KYNU: variants seen among roughly 807,000 people sequenced by gnomAD.
The protein encoded by KYNU is L-kynurenine hydrolase.
KYNU carries 54 observed loss-of-function variants against 59.2 expected under a neutral mutation model. The ratio of observed to expected loss-of-function variants is 0.91; its 90% confidence interval spans 0.73 to 1.14. The LOEUF (loss-of-function observed/expected upper bound fraction) is 1.14, where lower values mean the gene tolerates loss of function less well. Among genes scored for constraint, KYNU ranks in the 50% most tolerant of loss-of-function variants. KYNU has a pLI of 0.00. For missense variants in KYNU, 567 were observed against 554.4 expected (o/e 1.02, Z -0.23); for synonymous variants, 177 against 192.0 (o/e 0.92, Z 0.65).
intron 8 of KYNU, 32 bp from the exon 9 acceptor site, chr2:142,985,052 A>G: frequency 4.9e-6 from 6 of 1,224,928 alleles, no homozygotes; most frequent in Non-Finnish European, 6.1e-6. Flanking sequence ...TCATGAAGCA[A>G]ACTTAAAGCT....
intron 4 of KYNU, among the ~76,000 whole-genome samples, chr2:142,936,016 G>A (rs551398662): frequency 3.9e-4 from 60 of 152,314 alleles, no homozygotes; most frequent in African/African-American, 9.9e-4. Context: ...AGAAGACAAC[G>A]AACGGGTTAA....
At chr2:142,929,187 A>C (rs1442284423) in intron 4 of KYNU, among the ~76,000 whole-genome samples, 1 of 151,760 alleles carries the variant, frequency 6.6e-6, no homozygotes, top group South Asian at 2.1e-4. Flanking sequence ...TTTAGGACTG[A>C]ACACATGCAT....
In KYNU at chr2:143,029,678, C is replaced by T; in HGVS notation, c.954C>T (p.Asn318=). Residue 318 remains asparagine (N), a splice_region_variant and synonymous_variant, in exon 11 of 14, where the codon AAC becomes AAT. Transcript: ENST00000264170. The part of the protein sequence containing the change: ...HELSTRFKMD[N]KLQLIPGVCG... ...TCAGCACCAGATTTAAGATGGATAA[C>T]AGTAAGTGTATTTATTTTACCTAAT... 1 of 1,519,574 alleles carries T rather than the reference C, an allele frequency of 6.6e-7. No individual in the cohort carries two copies. Among genetic ancestry groups the T allele is most frequent in the Non-Finnish European group, 9.1e-7 (1 of 1,093,728 alleles). The allele number at this position is 1,519,574 out of a possible 1,614,324, so 94.1% of individuals were successfully genotyped here.
chr2:143,005,554 G>A (rs191523924), intron 10 of KYNU, among the ~76,000 whole-genome samples: 6 of 152,086 alleles, frequency 3.9e-5, no homozygotes, highest in East Asian at 3.9e-4. Context: ...TAAATTTCCC[G>A]GGAAAGCAGA....
chr2:142,922,440 G>A (rs1682914560), intron 3 of KYNU, among the ~76,000 whole-genome samples: 1 of 152,050 alleles, frequency 6.6e-6, no homozygotes, highest in Admixed American at 6.6e-5. Context: ...GGAATGTGGG[G>A]GTTTGCAGTG....
intron 10 of KYNU, among the ~76,000 whole-genome samples, chr2:143,010,527 C>T (rs1215595719): frequency 7.8e-6 from 1 of 127,680 alleles, no homozygotes; most frequent in Non-Finnish European, 1.6e-5. Flanking sequence ...CATCAAGCTA[C>T]TAATGACTTT....
chr2:143,041,027 T>C (rs904526441), intron 13 of KYNU, among the ~76,000 whole-genome samples: 32 of 152,090 alleles, frequency 2.1e-4, no homozygotes, highest in African/African-American at 7.5e-4. Flanking sequence ...ATCATACCAA[T>C]TTATTGAAGG....
intron 1 of KYNU, chr2:142,881,204 TATG>T (rs1681285500): frequency 6.6e-6 from 1 of 152,198 alleles, no homozygotes; most frequent in Non-Finnish European, 1.5e-5. Flanking sequence ...AAATAATACT[TATG>T]GTCAGATATT....
chr2:142,937,687 C>A (rs1683437444), intron 4 of KYNU, among the ~76,000 whole-genome samples: 1 of 152,200 alleles, frequency 6.6e-6, no homozygotes, highest in Admixed American at 6.5e-5. Context: ...TGATTGGGTA[C>A]AGCCCAGCAT....
At chr2:143,013,272 CTCTCTCTGTT>C (rs1686162437) in intron 10 of KYNU, among the ~76,000 whole-genome samples, 1 of 150,470 alleles carries the variant, frequency 6.6e-6, no homozygotes, top group Admixed American at 6.6e-5. Context: ...CTCTCCCTGT[CTCTCTCTGTT>C]TCTCTGTCTC....
chr2:143,048,846 C>G lies in KYNU; in HGVS notation c.*6674C>G, dbSNP rs1687213745. On this transcript the variant is annotated 3_prime_UTR_variant, in exon 14 of 14. Transcript: ENST00000264170. The stretch of plus-strand genomic sequence containing the variant: ...TGGCAATCATTAAAAAGTCAGGAAA[C>G]AATAGATGCTGGTGAGGCTGTGGAG... 1 of 152,108 alleles carries G rather than the reference C, an allele frequency of 6.6e-6. No homozygotes were observed. Among genetic ancestry groups the G allele is most frequent in the Non-Finnish European group, 1.5e-5 (1 of 68,016 alleles). The allele number at this position is 152,108 out of a possible 1,614,324, so 9.4% of individuals were successfully genotyped here. A position where few individuals can be genotyped will look rare whatever the true frequency, so the allele number is the denominator to read the frequency against.
chr2:143,042,144 T>A lies in KYNU; in HGVS notation c.1370T>A (p.Ile457Lys). Residue 457 changes from isoleucine (I) to lysine (K), a missense_variant, in exon 14 of 14, where the codon ATA becomes AAA. Physicochemically the swap from Ile to Lys is moderately radical, Grantham distance 102 (BLOSUM62 -3). Coordinates refer to ENST00000264170, the MANE Select transcript of KYNU (RefSeq NM_003937.3). ...AAATTTACCAATCTGCTCACTTCTA[T>A]ACTTGACTCTGCAGAAACAAAAAAT... ...VYKFTNLLTS[I>K]LDSAETKN 1 of 1,610,342 alleles carries A rather than the reference T, an allele frequency of 6.2e-7. No individual in the cohort carries two copies. The highest frequency in any genetic ancestry group is 8.5e-7 in the Non-Finnish European group (1 of 1,178,472).
chr2:142,949,779 TCC>T (rs2105072054), intron 4 of KYNU, among the ~76,000 whole-genome samples: 1 of 152,242 alleles, frequency 6.6e-6, no homozygotes, highest in African/African-American at 2.4e-5. Context: ...AACATTCTGC[TCC>T]TCGTTACTTA....
At chr2:142,901,715 C>T (rs915227431) in intron 2 of KYNU, among the ~76,000 whole-genome samples, 7 of 151,928 alleles carry the variant, frequency 4.6e-5, no homozygotes, top group African/African-American at 1.2e-4. Flanking sequence ...AATTCTAGTG[C>T]CCGAGTGAGG....
At chr2:142,987,046 TA>T (rs951583055) in intron 10 of KYNU, among the ~76,000 whole-genome samples, 1 of 151,930 alleles carries the variant, frequency 6.6e-6, no homozygotes, top group African/African-American at 2.4e-5. Flanking sequence ...TTTGGACAGA[TA>T]TTTAGTCAAC....
chr2:142,960,538 G>A lies in KYNU; in HGVS notation c.583-86G>A, dbSNP rs1054369597. ...AAAAAACTATTTTATAATGCAAAAGGGCTCACGGTGAAATTTAGATCGGCA... is the reference window on the plus strand; with the variant it reads ...AAAAAACTATTTTATAATGCAAAAGAGCTCACGGTGAAATTTAGATCGGCA... On this transcript the variant is annotated intron_variant, in intron 7 of 13. Transcript: ENST00000264170. The A allele has an allele frequency of 7.1e-6, 9 of 1,274,354 alleles. No homozygotes were observed. The African/African-American group carries it at 1.2e-4, about 17-fold the overall frequency. 78.9% of individuals were successfully genotyped at this position (1,274,354 alleles called of 1,614,324 possible). A position where few individuals can be genotyped will look rare whatever the true frequency, so the allele number is the denominator to read the frequency against.
intron 4 of KYNU, chr2:142,947,179 C>A (rs1683817652): frequency 2.6e-6 from 4 of 1,550,956 alleles, no homozygotes; most frequent in Non-Finnish European, 3.5e-6. Context: ...AGTCATCTTG[C>A]TAACGCAGAC....
intron 4 of KYNU, among the ~76,000 whole-genome samples, chr2:142,928,260 A>T (rs890054220): frequency 6.6e-6 from 1 of 152,216 alleles, no homozygotes; most frequent in African/African-American, 2.4e-5. Context: ...AGAGTTATAT[A>T]TACTATCGGT....
chr2:142,903,803 A>G (rs1455703994), intron 2 of KYNU, among the ~76,000 whole-genome samples: 1 of 152,116 alleles, frequency 6.6e-6, no homozygotes, highest in African/African-American at 2.4e-5. Flanking sequence ...GGCATGGACG[A>G]GGGGGGTGGC....
Sources: allele counts gnomAD v4.1 joint callset (sites outside exome capture counted in the v4.1 genomes callset), GRCh38; gene constraint gnomAD v4.1.1; transcripts MANE v1.5; gene names NCBI Gene and HGNC (gene_info 2026-07-23, HGNC 2026-07-21).